RGS7: variants seen among roughly 807,000 people sequenced by gnomAD.
RGS7 encodes regulator of G protein signaling 7, also known as regulator of G-protein signaling 7.
In RGS7, 27 loss-of-function variants were observed where a neutral mutation model predicts 81.1. That is an observed-to-expected ratio of 0.33 (90% CI 0.25 to 0.46). RGS7 has a LOEUF of 0.46. Among genes scored for constraint, RGS7 ranks in the 20% least tolerant of loss-of-function variants. RGS7 has a pLI of 1.00. For synonymous variants in RGS7, 208 were observed against 207.7 expected, an observed-to-expected ratio of 1.00 and a Z score of -0.01; for missense variants, 396 against 607.4, an observed-to-expected ratio of 0.65 and a Z score of 3.66.
intron 3 of RGS7, among the ~76,000 whole-genome samples, chr1:241,013,388 T>G: frequency 6.6e-6 from 1 of 152,152 alleles, no homozygotes; most frequent in Non-Finnish European, 1.5e-5. Flanking sequence ...AGTCTCACAC[T>G]TTGTGTATGG....
intron 18 of RGS7, among the ~76,000 whole-genome samples, chr1:240,789,486 G>A (rs762882098): frequency 1.6e-4 from 24 of 152,196 alleles, no homozygotes; most frequent in Non-Finnish European, 2.6e-4. Context: ...AAAGCAAATG[G>A]GAGAAATATC....
At chr1:241,340,418 G>T (rs976028413) in intron 2 of RGS7, among the ~76,000 whole-genome samples, 1 of 152,086 alleles carries the variant, frequency 6.6e-6, no homozygotes, top group South Asian at 2.1e-4. Context: ...CAAAGCCAAA[G>T]AAATAAAATA....
intron 2 of RGS7, among the ~76,000 whole-genome samples, chr1:241,161,443 ATAAC>A (rs2069652764): frequency 6.6e-6 from 1 of 150,422 alleles, no homozygotes; most frequent in Non-Finnish European, 1.5e-5. Context: ...ATAACTAATA[ATAAC>A]TAATGGCACA....
At chr1:241,041,598 A>G (rs1211822167) in intron 3 of RGS7, among the ~76,000 whole-genome samples, 1 of 152,010 alleles carries the variant, frequency 6.6e-6, no homozygotes, top group Non-Finnish European at 1.5e-5. Context: ...CATTCCTTTG[A>G]CCCCAAAACT....
chr1:240,799,111 C>T (rs980031022), intron 18 of RGS7, among the ~76,000 whole-genome samples: 1 of 152,134 alleles, frequency 6.6e-6, no homozygotes, highest in Non-Finnish European at 1.5e-5. Flanking sequence ...AGGGGAAATT[C>T]AGAGAACCTT....
chr1:241,018,981 T>C (rs183417239), intron 3 of RGS7, among the ~76,000 whole-genome samples: 1 of 152,262 alleles, frequency 6.6e-6, no homozygotes, highest in Non-Finnish European at 1.5e-5. Context: ...GCACAAAGTA[T>C]AGGACACATT....
At chr1:241,156,880 A>G (rs1020311811) in intron 2 of RGS7, among the ~76,000 whole-genome samples, 2 of 151,964 alleles carry the variant, frequency 1.3e-5, no homozygotes, top group African/African-American at 4.8e-5. Flanking sequence ...TTGTAGCTCA[A>G]TTTCTCCCCC....
In RGS7 at chr1:240,930,771, G is replaced by A. The variant is rs775835507; in HGVS notation, c.334-3C>T. 6.2e-7 allele frequency: 1 copy of A among 1,613,788 alleles called. No individual in the cohort carries two copies. The highest frequency in any genetic ancestry group is 1.1e-5 in the South Asian group (1 of 91,058). On this transcript the variant is annotated splice_region_variant and splice_polypyrimidine_tract_variant and intron_variant, in intron 5 of 18. Transcript: ENST00000440928. ...TTTGATGGCCAAAAATAGGGGGTCTGCGGAATGAAAAGAAGTGGAACCCAG... is the reference window on the plus strand; with the variant it reads ...TTTGATGGCCAAAAATAGGGGGTCTACGGAATGAAAAGAAGTGGAACCCAG...
At chr1:241,355,353 AG>A (rs2083494288) in intron 2 of RGS7, among the ~76,000 whole-genome samples, 1 of 152,228 alleles carries the variant, frequency 6.6e-6, no homozygotes, top group South Asian at 2.1e-4. Flanking sequence ...AAATGTTTAA[AG>A]GGGGTATAAG....
At chr1:241,141,083 C>G (rs551503757) in intron 2 of RGS7, among the ~76,000 whole-genome samples, 2 of 152,144 alleles carry the variant, frequency 1.3e-5, no homozygotes, top group South Asian at 4.1e-4. Context: ...TCTCCCTAAC[C>G]CAGAGGAGTG....
chr1:241,042,161 G>A (rs1041520715), intron 3 of RGS7, among the ~76,000 whole-genome samples: 2 of 152,308 alleles, frequency 1.3e-5, no homozygotes, highest in East Asian at 3.9e-4. Context: ...TCACATGTGT[G>A]GGGGCGCTGT....
At chr1:240,824,546 AC>A (rs1692437550) in intron 10 of RGS7, among the ~76,000 whole-genome samples, 1 of 152,250 alleles carries the variant, frequency 6.6e-6, no homozygotes, top group Non-Finnish European at 1.5e-5. Context: ...TCACAGCGTC[AC>A]CTGCTCCGCA....
chr1:241,199,189 T>G (rs2999990), intron 2 of RGS7, among the ~76,000 whole-genome samples: 35,122 of 151,608 alleles, frequency 0.23, 6,156 homozygotes, highest in African/African-American at 0.49. Context: ...TATTGGCCGG[T>G]CTCACGCCTG....
At chr1:241,142,607 C>T (rs915135936) in intron 2 of RGS7, among the ~76,000 whole-genome samples, 3 of 152,176 alleles carry the variant, frequency 2.0e-5, no homozygotes, top group Admixed American at 2.0e-4. Flanking sequence ...AGGACAAGTC[C>T]CTAGGCTGCA....
chr1:241,156,169 G>GATAGATACATACATAC lies in RGS7; in HGVS notation c.79-57408_79-57407insGTATGTATGTATCTAT, dbSNP rs1475820224. 4.0e-3 allele frequency among the ~76,000 whole-genome samples: 570 copies of GATAGATACATACATAC among 142,848 alleles called. 5 individuals are homozygous for GATAGATACATACATAC. The highest frequency in any genetic ancestry group is 0.013 in the African/African-American group (534 of 39,966). 93.7% of individuals were successfully genotyped at this position (142,848 alleles called of 152,430 possible). A position where few individuals can be genotyped will look rare whatever the true frequency, so the allele number is the denominator to read the frequency against. ...AGATAGATAGATAGATAGATAGATA[G>GATAGATACATACATAC]ATACATATACATAGACAGACAGACA... On this transcript the variant is annotated intron_variant, in intron 2 of 18. Transcript: ENST00000440928.
At chr1:240,888,537 G>C (rs185309547) in intron 6 of RGS7, among the ~76,000 whole-genome samples, 5 of 152,278 alleles carry the variant, frequency 3.3e-5, no homozygotes, top group Admixed American at 3.3e-4. Flanking sequence ...CTCTCAGAGG[G>C]CTTACTTTGT....
chr1:241,287,410 C>G (rs1414607509), intron 2 of RGS7, among the ~76,000 whole-genome samples: 2 of 152,082 alleles, frequency 1.3e-5, no homozygotes, highest in African/African-American at 4.8e-5. Flanking sequence ...TTTTATAAAG[C>G]GGAGTTCCCC....
chr1:241,096,247 T>G (rs12087976), intron 3 of RGS7, among the ~76,000 whole-genome samples: 4,485 of 151,820 alleles, frequency 0.03, 226 homozygotes, highest in African/African-American at 0.1. Context: ...CCGTTGCGAG[T>G]TGGGCCACAA....
At chr1:241,246,087 G>A (rs749377816) in intron 2 of RGS7, among the ~76,000 whole-genome samples, 7 of 152,126 alleles carry the variant, frequency 4.6e-5, no homozygotes, top group Non-Finnish European at 7.4e-5. Flanking sequence ...CTGGGGGACA[G>A]AGCGAGACTC....
Sources: gnomAD v4.1 joint callset for allele counts (sites outside exome capture counted in the v4.1 genomes callset) on GRCh38, gnomAD v4.1.1 for gene constraint, MANE v1.5 for transcripts, NCBI Gene and HGNC (gene_info 2026-07-23, HGNC 2026-07-21) for gene names.